The following EMP1 variants were observed in gnomAD, a reference collection of about 807,000 sequenced individuals.
EMP1 encodes epithelial membrane protein 1.
In EMP1, 5 loss-of-function variants were observed where a neutral mutation model predicts 15.7. The observed-to-expected ratio is 0.32, with a 90% CI of 0.17 to 0.67. The LOEUF is 0.67. Among genes scored for constraint, EMP1 ranks in the 30% least tolerant of loss-of-function variants. The pLI is 0.74. For synonymous variants in EMP1, 78 were observed against 76.7 expected (o/e 1.02, Z -0.09); for missense variants, 166 against 194.2 (o/e 0.85, Z 0.86).
rs1864185011 is a variant in EMP1, at chr12:13,213,520, T to C, written c.120T>C (p.Leu40=). The stretch of plus-strand genomic sequence containing the variant: ...ATACGGTAGATGCATCAGTAGGTCT[T>C]TGGAAAAACTGTACCAACATTAGCT... ...VSNTVDASVG[L]WKNCTNISCS... The change falls in exon 3 of 5, where the codon CTT becomes CTC. Residue 40 remains leucine, a synonymous_variant. Transcript: ENST00000256951. The C allele has an allele frequency of 6.2e-7, 1 of 1,614,106 alleles. No homozygotes were observed. The highest frequency in any genetic ancestry group is 8.5e-7 in the Non-Finnish European group (1 of 1,180,048).
intron 1 of EMP1, among the ~76,000 whole-genome samples, chr12:13,203,452 G>C (rs1207156446): frequency 3.3e-5 from 5 of 152,226 alleles, no homozygotes; most frequent in Non-Finnish European, 2.9e-5. Context: ...CCCTGGACAC[G>C]AAGGAGGACA....
intron 1 of EMP1, among the ~76,000 whole-genome samples, chr12:13,206,048 C>G (rs1864108350): frequency 6.6e-6 from 1 of 152,032 alleles, no homozygotes; most frequent in African/African-American, 2.4e-5. Flanking sequence ...GAGACAGGGT[C>G]ATGGGTGAGG....
At chr12:13,210,487 C>T (rs1056091027) in intron 1 of EMP1, among the ~76,000 whole-genome samples, 2 of 152,208 alleles carry the variant, frequency 1.3e-5, no homozygotes, top group Non-Finnish European at 2.9e-5. Context: ...GATCAATGGG[C>T]TCCCTTCTCT....
In EMP1 at chr12:13,213,291, T is replaced by C. The variant is rs1864183067; in HGVS notation, c.79-188T>C. On this transcript the variant is annotated intron_variant, in intron 2 of 4. Coordinates refer to ENST00000256951, the MANE Select transcript of EMP1 (RefSeq NM_001423.3). ...TTCACATTCTTCTGTGTCTCTTCTC[T>C]TGGCAACTTTGTGAACTTCAGTTTT... 4.9e-6 allele frequency: 3 copies of C among 614,318 alleles called. No individual in the cohort carries two copies. In the East Asian group the frequency reaches 8.3e-5, roughly 17 times the overall value. 38.1% of individuals were successfully genotyped at this position (614,318 alleles called of 1,614,324 possible).
intron 1 of EMP1, among the ~76,000 whole-genome samples, chr12:13,201,723 A>G (rs546518860): frequency 3.0e-4 from 46 of 152,276 alleles, no homozygotes; most frequent in Middle Eastern, 3.4e-3. Context: ...GGCACTAGGA[A>G]TAAAAGAAAG....
chr12:13,212,893 C>T (rs1864178683), intron 2 of EMP1, among the ~76,000 whole-genome samples: 1 of 152,178 alleles, frequency 6.6e-6, no homozygotes, highest in African/African-American at 2.4e-5. Context: ...TTTAGTAGCC[C>T]CTACAGGAAA....
chr12:13,217,361 A>G lies in EMP1; in HGVS notation c.*2670A>G, dbSNP rs570974456. The G allele has an allele frequency of 2.9e-4, 44 of 152,326 alleles. No homozygotes were observed. The highest frequency in any genetic ancestry group is 1.0e-3 in the African/African-American group (43 of 41,570). 9.4% of individuals were successfully genotyped at this position (152,326 alleles called of 1,614,324 possible). On this transcript the variant is annotated 3_prime_UTR_variant, in exon 5 of 5. Transcript: ENST00000256951. ...GGAGGGTTTTAATGTGAAGCAGGCA[A>G]TCTTCCAGCCCCTTCTGGTCTTGGA... is the stretch of plus-strand genomic sequence containing the variant.
chr12:13,199,964 C>CTT lies in EMP1; in HGVS notation c.-43+3108_-43+3109dup, dbSNP rs60389913. Among the ~76,000 whole-genome samples the CTT allele has an allele frequency of 3.6e-3, 390 of 107,594 alleles. 2 individuals are homozygous for CTT. Among genetic ancestry groups the CTT allele is most frequent in the African/African-American group, 9.1e-3 (295 of 32,416 alleles). The allele number at this position is 107,594 out of a possible 152,430, so 70.6% of individuals were successfully genotyped here. A position where few individuals can be genotyped will look rare whatever the true frequency, so the allele number is the denominator to read the frequency against. ...ATCTTTTCTTCTTCTTCTTCTTCTT[C>CTT]TTTTTTTTTTTTTTTTTGCCTAAGG... On this transcript the variant is annotated intron_variant, in intron 1 of 4. Transcript: ENST00000256951.
intron 1 of EMP1, among the ~76,000 whole-genome samples, chr12:13,207,245 G>A (rs1487186472): frequency 6.6e-6 from 1 of 152,094 alleles, no homozygotes; most frequent in Non-Finnish European, 1.5e-5. Flanking sequence ...CCCAGTAGCT[G>A]GGACTACAGG....
Position 13,218,696 on chromosome 12 carries a change from A to G in EMP1, c.*4005A>G, listed in dbSNP as rs2121169724. On this transcript the variant is annotated 3_prime_UTR_variant, in exon 5 of 5. Coordinates refer to ENST00000256951, the MANE Select transcript of EMP1 (RefSeq NM_001423.3). Reference sequence around the variant, plus strand: ...TCTGAAAGGGAGACATGTGAAGCCTACTCCTGAGGCGGGAGGCTGGGGACA... The same window carrying G: ...TCTGAAAGGGAGACATGTGAAGCCTGCTCCTGAGGCGGGAGGCTGGGGACA... The G allele has an allele frequency of 6.6e-6, 1 of 152,272 alleles. No individual in the cohort carries two copies. Among genetic ancestry groups the G allele is most frequent in the East Asian group, 1.9e-4 (1 of 5,180 alleles). 9.4% of individuals were successfully genotyped at this position (152,272 alleles called of 1,614,324 possible). A position where few individuals can be genotyped will look rare whatever the true frequency, so the allele number is the denominator to read the frequency against.
intron 2 of EMP1, 24 bp from the exon 3 acceptor site, chr12:13,213,455 C>T: frequency 1.9e-6 from 3 of 1,607,158 alleles, no homozygotes; most frequent in Non-Finnish European, 2.6e-6. Context: ...TTTCAATTAA[C>T]ATTTTCTTTC....
chr12:13,213,334 G>A (rs569882255), intron 2 of EMP1, 145 bp from the exon 3 acceptor site: 17 of 715,182 alleles, frequency 2.4e-5, no homozygotes, highest in Admixed American at 8.4e-5. Context: ...CCTTATTTCC[G>A]CCCACAGATA....
chr12:13,216,711 G>C lies in EMP1; in HGVS notation c.*2020G>C, dbSNP rs763108122. On this transcript the variant is annotated 3_prime_UTR_variant, in exon 5 of 5. Transcript: ENST00000256951. ...ATAGATTATTTCATATACTATAATT[G>C]TAAATATTTTGATACAAATGTTTAT... is the stretch of plus-strand genomic sequence containing the variant. The C allele has an allele frequency of 2.5e-5, 10 of 393,500 alleles. No homozygotes were observed. The highest frequency in any genetic ancestry group is 4.0e-5 in the Non-Finnish European group (9 of 222,922). The allele number at this position is 393,500 out of a possible 1,614,324, so 24.4% of individuals were successfully genotyped here.
chr12:13,207,355 A>G (rs1349959566), intron 1 of EMP1, among the ~76,000 whole-genome samples: 1 of 152,106 alleles, frequency 6.6e-6, no homozygotes, highest in Non-Finnish European at 1.5e-5. Flanking sequence ...GGTTATTTCT[A>G]CTGACTATAT....
At chr12:13,206,843 AC>A (rs1228807939) in intron 1 of EMP1, among the ~76,000 whole-genome samples, 2 of 152,142 alleles carry the variant, frequency 1.3e-5, no homozygotes, top group Non-Finnish European at 2.9e-5. Flanking sequence ...TGGTCAGAGA[AC>A]CCTAAAAGTG....
chr12:13,213,636 C>T, intron 3 of EMP1, 45 bp from the exon 4 acceptor site: 1 of 1,614,030 alleles, frequency 6.2e-7, no homozygotes, highest in South Asian at 1.1e-5. Context: ...TGTTCAGCCC[C>T]TGGAGTGACC....
chr12:13,210,566 C>T (rs1864156279), intron 1 of EMP1, among the ~76,000 whole-genome samples: 1 of 152,238 alleles, frequency 6.6e-6, no homozygotes, highest in African/African-American at 2.4e-5. Context: ...TCCCAATCCT[C>T]CCACCCTGTG....
At chr12:13,201,374 C>T (rs1469248452) in intron 1 of EMP1, among the ~76,000 whole-genome samples, 3 of 152,036 alleles carry the variant, frequency 2.0e-5, no homozygotes, top group African/African-American at 4.8e-5. Flanking sequence ...TACCATTGCA[C>T]TCCAGCCTGA....
At chr12:13,201,916 G>T (rs892294407) in intron 1 of EMP1, among the ~76,000 whole-genome samples, 1 of 151,856 alleles carries the variant, frequency 6.6e-6, no homozygotes, top group Non-Finnish European at 1.5e-5. Flanking sequence ...CAGCATGAAG[G>T]TGTGGTGTAC....
Sources: gnomAD v4.1 joint callset for allele counts (sites outside exome capture counted in the v4.1 genomes callset) on GRCh38, gnomAD v4.1.1 for gene constraint, MANE v1.5 for transcripts, NCBI Gene and HGNC (gene_info 2026-07-23, HGNC 2026-07-21) for gene names.